Variants in KAZN observed in about 807,000 individuals in gnomAD.
The protein encoded by KAZN is kazrin.
In KAZN, 40 loss-of-function variants were observed where a neutral mutation model predicts 87.4. That is an observed-to-expected ratio of 0.46 (90% CI 0.36 to 0.60). The LOEUF (loss-of-function observed/expected upper bound fraction) is 0.60. KAZN is among the 20% of genes least tolerant of loss of function. The probability of loss-of-function intolerance (pLI) is 0.00; values close to 1 mark genes in which losing one functional copy is unlikely to be tolerated. For missense variants in KAZN, 898 were observed against 1,073.9 expected, an observed-to-expected ratio of 0.84 and a Z score of 2.29; for synonymous variants, 466 against 458.3, an observed-to-expected ratio of 1.02 and a Z score of -0.22.
At chr1:14,983,243 C>G (rs564621039) in intron 2 of KAZN, among the ~76,000 whole-genome samples, 17 of 152,176 alleles carry the variant, frequency 1.1e-4, no homozygotes, top group Admixed American at 3.9e-4. Context: ...CTGTACACCC[C>G]CTACCTCCAC....
intron 8 of KAZN, chr1:15,067,353 C>T: frequency 3.0e-6 from 3 of 985,510 alleles, no homozygotes; most frequent in Non-Finnish European, 3.6e-6. Context: ...CTGGCAGGAA[C>T]ATCTGCCTAT....
intron 1 of KAZN, among the ~76,000 whole-genome samples, chr1:14,164,646 T>A (rs1376395714): frequency 6.6e-6 from 1 of 150,428 alleles, no homozygotes; most frequent in Admixed American, 6.7e-5. Flanking sequence ...GTTCAAGCGA[T>A]TCTCCTGCCT....
chr1:14,648,774 C>G (rs546628944), intron 1 of KAZN, among the ~76,000 whole-genome samples: 2 of 152,184 alleles, frequency 1.3e-5, no homozygotes, highest in Non-Finnish European at 2.9e-5. Flanking sequence ...TAATAGTGCT[C>G]ACTAATGTAG....
intron 1 of KAZN, among the ~76,000 whole-genome samples, chr1:14,913,677 C>G (rs1029204050): frequency 6.6e-6 from 1 of 152,214 alleles, no homozygotes; most frequent in Non-Finnish European, 1.5e-5. Context: ...CCTTGCTGGG[C>G]GTCTTTGTAG....
At chr1:14,204,896 A>G (rs1393611308) in intron 2 of KAZN, among the ~76,000 whole-genome samples, 2 of 152,258 alleles carry the variant, frequency 1.3e-5, no homozygotes, top group Non-Finnish European at 2.9e-5. Context: ...GTACTAGGGA[A>G]TGCTAACTGC....
At chr1:14,236,111 GAT>G (rs1648398947) in intron 2 of KAZN, among the ~76,000 whole-genome samples, 1 of 115,154 alleles carries the variant, frequency 8.7e-6, no homozygotes. Context: ...TACTTTTAAT[GAT>G]ATTTTCTTCA....
At chr1:14,567,818 A>C (rs1674632252) in intron 2 of KAZN, among the ~76,000 whole-genome samples, 1 of 152,192 alleles carries the variant, frequency 6.6e-6, no homozygotes, top group Non-Finnish European at 1.5e-5. Context: ...AGCAGCTAAA[A>C]GACCCCTCCT....
chr1:14,419,563 T>C lies in KAZN; in HGVS notation c.250-179420T>C, dbSNP rs1665187669. ...TTTGTGGGTTCTTGGTCTCACTGAC[T>C]TCAAGAACGAAGCCGTGGACCCTCG... On this transcript the variant is annotated intron_variant, in intron 2 of 16. Coordinates refer to the KAZN transcript ENST00000636203. Among the ~76,000 whole-genome samples the C allele has an allele frequency of 2.0e-5, 3 of 152,230 alleles. No individual in the cohort carries two copies. The South Asian group carries it at 6.2e-4, about 32-fold the overall frequency.
chr1:14,655,381 C>T (rs995282362), intron 1 of KAZN, among the ~76,000 whole-genome samples: 3 of 152,164 alleles, frequency 2.0e-5, no homozygotes, highest in African/African-American at 4.8e-5. Flanking sequence ...GAGGCTGGTC[C>T]GATAAATTTA....
intron 1 of KAZN, among the ~76,000 whole-genome samples, chr1:14,624,336 C>T (rs1226876870): frequency 3.9e-5 from 6 of 152,006 alleles, no homozygotes; most frequent in Non-Finnish European, 8.8e-5. Flanking sequence ...GCAGGAGAAT[C>T]GCTTGAATCC....
At chr1:13,944,038 A>G (rs1258453317) in intron 1 of KAZN, among the ~76,000 whole-genome samples, 1 of 152,246 alleles carries the variant, frequency 6.6e-6, no homozygotes, top group African/African-American at 2.4e-5. Flanking sequence ...CCCAAGAGGA[A>G]TGAAAACCAT....
Position 14,954,735 on chromosome 1 carries a change from T to A in KAZN, c.227-5949T>A, listed in dbSNP as rs527432704. ...ACTTTGGGAGACTGAGGCGGGCAGA[T>A]CATAAGGTCAGGAGATTGAGACCAT... is the stretch of plus-strand genomic sequence containing the variant. On this transcript the variant is annotated intron_variant, in intron 1 of 14. Coordinates refer to ENST00000376030, the MANE Select transcript of KAZN (RefSeq NM_201628.3). Among the ~76,000 whole-genome samples, 23 of 152,178 alleles carry A rather than the reference T, an allele frequency of 1.5e-4. No homozygotes were observed. The South Asian group carries it at 4.6e-3, about 30-fold the overall frequency.
intron 1 of KAZN, among the ~76,000 whole-genome samples, chr1:14,768,930 T>G (rs574716660): frequency 6.6e-6 from 1 of 152,338 alleles, no homozygotes; most frequent in East Asian, 1.9e-4. Flanking sequence ...CATTCAAAAT[T>G]TTAAAAAGTA....
intron 2 of KAZN, among the ~76,000 whole-genome samples, chr1:14,197,773 C>T (rs995456679): frequency 5.9e-5 from 9 of 152,060 alleles, no homozygotes; most frequent in Admixed American, 1.3e-4. Context: ...TGAACAAATA[C>T]GAAGAGTGAG....
chr1:14,810,964 C>A (rs1646391127), intron 1 of KAZN, among the ~76,000 whole-genome samples: 1 of 152,240 alleles, frequency 6.6e-6, no homozygotes, highest in Non-Finnish European at 1.5e-5. Flanking sequence ...AGGCCCTAGA[C>A]AACTTCCGTC....
intron 4 of KAZN, among the ~76,000 whole-genome samples, chr1:15,055,563 T>C (rs921078399): frequency 3.3e-5 from 5 of 152,188 alleles, no homozygotes; most frequent in African/African-American, 4.8e-5. Context: ...AGCTCTCGGG[T>C]GAGTTAACTT....
At chr1:14,997,871 G>T (rs1239525485) in intron 2 of KAZN, among the ~76,000 whole-genome samples, 2 of 152,282 alleles carry the variant, frequency 1.3e-5, no homozygotes, top group East Asian at 3.9e-4. Flanking sequence ...TGTGGCTTTG[G>T]GCAAGTTGCT....
chr1:14,892,098 A>G (rs1429402483), intron 1 of KAZN, among the ~76,000 whole-genome samples: 2 of 152,150 alleles, frequency 1.3e-5, no homozygotes, highest in Non-Finnish European at 2.9e-5. Context: ...TCCTCAAGGC[A>G]GCAGGCAGAG....
intron 2 of KAZN, among the ~76,000 whole-genome samples, chr1:14,445,833 G>A (rs146850163): frequency 0.015 from 2,275 of 152,212 alleles, 28 homozygotes; most frequent in South Asian, 0.035. Context: ...TTTGTCTCTA[G>A]CGCAGGCTCC....
Sources: gnomAD v4.1 joint callset for allele counts (sites outside exome capture counted in the v4.1 genomes callset) on GRCh38, gnomAD v4.1.1 for gene constraint, MANE v1.5 for transcripts, NCBI Gene and HGNC (gene_info 2026-07-23, HGNC 2026-07-21) for gene names.